The following RC3H2 variants were observed in gnomAD, a reference collection of about 807,000 sequenced individuals.
RC3H2 encodes roquin-2.
A neutral mutation model predicts 133.3 loss-of-function variants in RC3H2; 31 were observed. The observed-to-expected ratio is 0.23, with a 90% CI of 0.17 to 0.31. The LOEUF is 0.31. Ranked by LOEUF, RC3H2 falls within the 10% of genes least tolerant of loss-of-function variation. The pLI, the probability that RC3H2 is intolerant of heterozygous loss-of-function variation, is 1.00. For missense variants in RC3H2, 1,175 were observed against 1,437.2 expected, an observed-to-expected ratio of 0.82 and a Z score of 2.95; for synonymous variants, 517 against 502.2, an observed-to-expected ratio of 1.03 and a Z score of -0.40.
intron 1 of RC3H2, among the ~76,000 whole-genome samples, chr9:122,901,740 C>T (rs1018180320): frequency 1.1e-4 from 16 of 150,356 alleles, no homozygotes; most frequent in African/African-American, 3.9e-4. Flanking sequence ...TACAAGTGCG[C>T]ACCACCATGC....
intron 9 of RC3H2, among the ~76,000 whole-genome samples, chr9:122,867,512 T>C: frequency 5.2e-5 from 1 of 19,314 alleles, no homozygotes. Flanking sequence ...GAGGGGCGCC[T>C]CTGCCCGGCC....
intron 4 of RC3H2, among the ~76,000 whole-genome samples, chr9:122,887,016 G>A (rs867924512): frequency 6.6e-6 from 1 of 152,192 alleles, no homozygotes; most frequent in Middle Eastern, 3.4e-3. Context: ...TTTGTATAAT[G>A]GAAAATTTGC....
chr9:122,893,286 A>C (rs1832265185), intron 2 of RC3H2, among the ~76,000 whole-genome samples: 1 of 152,124 alleles, frequency 6.6e-6, no homozygotes, highest in Non-Finnish European at 1.5e-5. Context: ...TTAAGTTAGG[A>C]GTTTGAGACC....
At chr9:122,853,657 C>G (rs1830135747) in intron 18 of RC3H2, 2 of 584,616 alleles carry the variant, frequency 3.4e-6, no homozygotes, top group South Asian at 4.4e-5. Context: ...GAAGCTGAGG[C>G]AGGAGAATCG....
intron 1 of RC3H2, among the ~76,000 whole-genome samples, chr9:122,904,175 A>G (rs921310751): frequency 3.3e-5 from 5 of 152,204 alleles, no homozygotes; most frequent in African/African-American, 1.2e-4. Flanking sequence ...GTAGGGGGAG[A>G]GTAGAAATGA....
chr9:122,850,058 C>CCT (rs1371205915), intron 20 of RC3H2, among the ~76,000 whole-genome samples: 1 of 151,898 alleles, frequency 6.6e-6, no homozygotes, highest in East Asian at 1.9e-4. Flanking sequence ...CTCAATGCAA[C>CCT]CTCTGCCTCC....
Position 122,851,068 on chromosome 9 carries a change from G to A in RC3H2, c.3380+13C>T, listed in dbSNP as rs755064250. Reference sequence around the variant, plus strand: ...TATGCCCACTGTTTATGAATTTTCTGTCTAACACTCACAGAATCACATGGT... The same window carrying A: ...TATGCCCACTGTTTATGAATTTTCTATCTAACACTCACAGAATCACATGGT... On this transcript the variant is annotated intron_variant, in intron 20 of 20. Coordinates refer to ENST00000357244, the MANE Select transcript of RC3H2 (RefSeq NM_001100588.3). The A allele has an allele frequency of 3.1e-6, 5 of 1,613,344 alleles. No homozygotes were observed. In the South Asian group the frequency reaches 4.4e-5, roughly 14 times the overall value.
At chr9:122,879,903 T>C in intron 7 of RC3H2, 30 bp from the exon 8 acceptor site, 1 of 1,611,194 alleles carries the variant, frequency 6.2e-7, no homozygotes, top group East Asian at 2.2e-5. Context: ...GCATGGGGGT[T>C]GGGGGGGAAG....
At chr9:122,875,220 A>G (rs1490496463) in intron 9 of RC3H2, 4 of 1,551,070 alleles carry the variant, frequency 2.6e-6, no homozygotes, top group Middle Eastern at 3.3e-4. Context: ...AACTGAGAAG[A>G]GAAGCATGTT....
chr9:122,853,705 T>C, intron 18 of RC3H2: 1 of 984,002 alleles, frequency 1.0e-6, no homozygotes, highest in South Asian at 1.8e-5. Flanking sequence ...TGAGCCAAGA[T>C]CGTGCCATTG....
At chr9:122,869,399 T>C (rs544113284) in intron 9 of RC3H2, among the ~76,000 whole-genome samples, 9 of 152,262 alleles carry the variant, frequency 5.9e-5, no homozygotes, top group Non-Finnish European at 1.2e-4. Context: ...CTGGTATCTA[T>C]AAACAACTTC....
At chr9:122,862,039 T>C (rs1326203455) in intron 10 of RC3H2, among the ~76,000 whole-genome samples, 4 of 152,240 alleles carry the variant, frequency 2.6e-5, no homozygotes, top group African/African-American at 7.2e-5. Context: ...ACATAAATTA[T>C]CTGGTCCCTC....
intron 5 of RC3H2, among the ~76,000 whole-genome samples, chr9:122,882,383 A>T (rs1831683747): frequency 6.6e-6 from 1 of 152,224 alleles, no homozygotes; most frequent in Admixed American, 6.5e-5. Flanking sequence ...GTTATCTCAA[A>T]CTAAGTGTTC....
At chr9:122,859,801 A>T in intron 11 of RC3H2, 116 bp downstream of exon 11, 1 of 861,746 alleles carries the variant, frequency 1.2e-6, no homozygotes, top group South Asian at 1.7e-5. Flanking sequence ...AAAACTTATG[A>T]GTCACATAGT....
Position 122,852,391 on chromosome 9 carries a change from G to A in RC3H2, c.3118-955C>T, listed in dbSNP as rs1416698041. On this transcript the variant is annotated intron_variant, in intron 18 of 20. Transcript: ENST00000357244. Reference sequence around the variant, plus strand: ...AGCGTCTCCGCCCGGCAGCCGCCCCGTCCGGGAGGGAGGTGGGGGGGTCAG... The same window carrying A: ...AGCGTCTCCGCCCGGCAGCCGCCCCATCCGGGAGGGAGGTGGGGGGGTCAG... Among the ~76,000 whole-genome samples the A allele has an allele frequency of 7.4e-5, 11 of 148,800 alleles. 1 individual carries two copies. In the South Asian group the frequency reaches 1.5e-3, roughly 20 times the overall value.
chr9:122,880,160 G>A, intron 6 of RC3H2, 35 bp from the exon 7 acceptor site: 1 of 1,609,322 alleles, frequency 6.2e-7, no homozygotes, highest in South Asian at 1.1e-5. Context: ...TTTTACTTTG[G>A]TTCTTATGAC....
chr9:122,896,435 G>A (rs1201560723), intron 2 of RC3H2, among the ~76,000 whole-genome samples: 2 of 152,036 alleles, frequency 1.3e-5, no homozygotes, highest in African/African-American at 2.4e-5. Context: ...AAATATATAT[G>A]CTTATATAAA....
In RC3H2 at chr9:122,857,998, G is replaced by A. The variant is rs372944811; in HGVS notation, c.2379C>T (p.Val793=). The A allele has an allele frequency of 4.0e-5, 64 of 1,614,176 alleles. No individual in the cohort carries two copies. In the African/African-American group the frequency reaches 8.1e-4, roughly 20 times the overall value. The change falls in exon 13 of 21, where the codon GTC becomes GTT. Residue 793 remains valine (V), a synonymous_variant. Transcript: ENST00000357244. ...AQYHTQKAPL[V]SSTLPVATQS... ...GTGTTGCCACAGGAAGAGTTGAAGA[G>A]ACAAGAGGTGCTTTCTGAGTGTGGT...
intron 20 of RC3H2, among the ~76,000 whole-genome samples, chr9:122,850,743 A>G (rs577236554): frequency 6.6e-6 from 1 of 152,288 alleles, no homozygotes; most frequent in African/African-American, 2.4e-5. Context: ...AGCCTAGCCA[A>G]GAAAATCTTA....
Sources: gnomAD v4.1 joint callset for allele counts (sites outside exome capture counted in the v4.1 genomes callset) on GRCh38, gnomAD v4.1.1 for gene constraint, MANE v1.5 for transcripts, NCBI Gene and HGNC (gene_info 2026-07-23, HGNC 2026-07-21) for gene names.